Variants in LZTS2 observed in about 807,000 individuals in gnomAD.
LZTS2 encodes the protein leucine zipper tumor suppressor 2, also known as leucine zipper putative tumor suppressor 2.
LZTS2 carries 32 observed loss-of-function variants against 60.6 expected under a neutral mutation model. The ratio of observed to expected loss-of-function variants is 0.53; its 90% CI spans 0.40 to 0.71. LZTS2 has a LOEUF of 0.71. Among genes scored for constraint, LZTS2 ranks in the 30% least tolerant of loss-of-function variants. The pLI is 0.00. For missense variants in LZTS2, 792 were observed against 901.9 expected (o/e 0.88, Z 1.56); for synonymous variants, 360 against 393.1 (o/e 0.92, Z 1.00).
exon 1 of LZTS2, chr10:101,002,444 G>A (rs1282666854): frequency 2.3e-6 from 3 of 1,303,418 alleles, no homozygotes; most frequent in Non-Finnish European, 3.1e-6. Flanking sequence ...GGATCAGTGG[G>A]TCAGGAGGGG....
exon 4 of LZTS2, chr10:101,006,736 A>G: frequency 3.1e-6 from 5 of 1,597,972 alleles, no homozygotes; most frequent in South Asian, 1.1e-5. Context: ...TGCGGGAGAA[A>G]GCTGGGCAGT....
At chr10:101,005,991 C>A (rs1590038642) in intron 3 of LZTS2, among the ~76,000 whole-genome samples, 2 of 152,218 alleles carry the variant, frequency 1.3e-5, no homozygotes, top group Non-Finnish European at 2.9e-5. Context: ...CAGATCATTT[C>A]ATCCTTATAA....
chr10:101,005,408 G>A, intron 2 of LZTS2, 50 bp from the exon 4 acceptor site: 2 of 1,504,058 alleles, frequency 1.3e-6, no homozygotes, highest in Non-Finnish European at 1.8e-6. Context: ...GACACTGAGT[G>A]GGGAGTTGGG....
At chr10:101,006,587 G>A in exon 4 of LZTS2, 1 of 1,609,608 alleles carries the variant, frequency 6.2e-7, no homozygotes, top group South Asian at 1.1e-5. Flanking sequence ...TCTGCGGGTG[G>A]CGCTGCGGGA....
exon 4 of LZTS2, chr10:101,007,428 T>C: frequency 6.9e-7 from 1 of 1,448,214 alleles, no homozygotes; most frequent in Non-Finnish European, 9.1e-7. Flanking sequence ...TCCCCACCGC[T>C]GCCAGTGCCA....
upstream of LZTS2, among the ~76,000 whole-genome samples, chr10:100,997,836 G>A (rs1381435714): frequency 6.6e-6 from 1 of 152,212 alleles, no homozygotes; most frequent in East Asian, 1.9e-4. Context: ...GCCCTCTCCC[G>A]GGAACCGGAG....
At chr10:101,006,627 G>A in exon 4 of LZTS2, 2 of 1,595,802 alleles carry the variant, frequency 1.3e-6, no homozygotes, top group Non-Finnish European at 1.7e-6. Flanking sequence ...GTCAGTGAGG[G>A]CCGTGCGCGG....
exon 1 of LZTS2, chr10:101,000,350 C>T (rs1003208812): frequency 6.6e-6 from 1 of 152,274 alleles, no homozygotes; most frequent in Non-Finnish European, 1.5e-5. Flanking sequence ...AAAATGGAGC[C>T]TCCACTTGCC....
At chr10:101,004,216 G>A (rs1414534437) in intron 2 of LZTS2, 50 bp downstream of exon 3, 2 of 1,532,972 alleles carry the variant, frequency 1.3e-6, no homozygotes, top group Admixed American at 2.0e-5. Context: ...ACATCCCAAG[G>A]CCCTGGGATG....
At chr10:101,005,854 C>T (rs376266630) in intron 3 of LZTS2, 139 bp downstream of exon 4, 4 of 1,198,986 alleles carry the variant, frequency 3.3e-6, no homozygotes, top group South Asian at 1.7e-5. Flanking sequence ...AGGTTCCCCT[C>T]TGTCCCTTTC....
At chr10:101,006,246 G>A (rs1199478622) in intron 3 of LZTS2, among the ~76,000 whole-genome samples, 1 of 152,208 alleles carries the variant, frequency 6.6e-6, no homozygotes, top group Non-Finnish European at 1.5e-5. Flanking sequence ...TACTTGCAGT[G>A]TCTTGTGATG....
At position 101,003,453 on chromosome 10, in the gene LZTS2, G is replaced by C. The variant is rs1309891842; in HGVS notation, c.409-54G>C. ...ACGGGAGGGCAGGGAGTGTCATAAG[G>C]GCTCTGCAAGATTGGGCAGCTCATC... On this transcript the variant is annotated intron_variant, in intron 1 of 3. Coordinates refer to ENST00000370220, the Ensembl canonical transcript of LZTS2. The C allele has an allele frequency of 3.7e-5, 55 of 1,501,098 alleles. No homozygotes were observed. The Admixed American group carries it at 1.3e-3, about 34-fold the overall frequency. The allele number at this position is 1,501,098 out of a possible 1,614,324, so 93.0% of individuals were successfully genotyped here. A position where few individuals can be genotyped will look rare whatever the true frequency, so the allele number is the denominator to read the frequency against.
chr10:101,003,475 C>T (rs749607528), intron 1 of LZTS2, 32 bp from the exon 3 acceptor site: 45 of 1,510,974 alleles, frequency 3.0e-5, no homozygotes, highest in Non-Finnish European at 3.9e-5. Context: ...TTGGGCAGCT[C>T]ATCTCCAGTG....
exon 4 of LZTS2, chr10:101,007,082 C>A: frequency 6.2e-7 from 1 of 1,609,606 alleles, no homozygotes; most frequent in Admixed American, 1.7e-5. Context: ...CAGCCTGGAG[C>A]TGGAGGCCCG....
At chr10:101,004,950 G>A (rs961491550) in intron 2 of LZTS2, among the ~76,000 whole-genome samples, 5 of 152,068 alleles carry the variant, frequency 3.3e-5, no homozygotes, top group East Asian at 1.9e-4. Flanking sequence ...CACCTGCCTC[G>A]GCCTCCCAAA....
chr10:101,003,744 A>G lies in LZTS2; in HGVS notation c.646A>G (p.Thr216Ala), dbSNP rs913953665. ...CTGGGCCAGTGGCTGCCCATCAGGG[A>G]CGCTATCCGACTCTGGCCGAAACTC... The change falls in exon 2 of 4, where the codon ACG becomes GCG. Residue 216 changes from threonine to alanine, a missense_variant. Physicochemically the swap from Thr to Ala is moderately conservative, Grantham distance 58. Coordinates refer to ENST00000370220, the Ensembl canonical transcript of LZTS2. The G allele has an allele frequency of 7.4e-6, 12 of 1,612,778 alleles. No individual in the cohort carries two copies. The highest frequency in any genetic ancestry group is 4.5e-5 in the East Asian group (2 of 44,868).
At chr10:101,006,616 G>C (rs1366174544) in exon 4 of LZTS2, 3 of 1,600,752 alleles carry the variant, frequency 1.9e-6, no homozygotes, top group Non-Finnish European at 2.6e-6. Context: ...CTACGCTGCG[G>C]GTCAGTGAGG....
chr10:101,007,385 T>C, exon 4 of LZTS2: 1 of 1,424,212 alleles, frequency 7.0e-7, no homozygotes, highest in Non-Finnish European at 9.2e-7. Flanking sequence ...GTGTTCACTG[T>C]TACCCAGAGG....
chr10:100,999,666 C>G (rs1296277968), exon 1 of LZTS2: 5 of 152,092 alleles, frequency 3.3e-5, no homozygotes, highest in African/African-American at 1.2e-4. Context: ...TACGTGCGCC[C>G]CGGCGGATTC....
Sources: gnomAD v4.1 joint callset for allele counts (sites outside exome capture counted in the v4.1 genomes callset) on GRCh38, gnomAD v4.1.1 for gene constraint, MANE v1.5 for transcripts, NCBI Gene and HGNC (gene_info 2026-07-23, HGNC 2026-07-21) for gene names.